RASSF6: variants seen among roughly 807,000 people sequenced by gnomAD.
The protein encoded by RASSF6 is Ras association domain family member 6.
Under a neutral mutation model 44.0 loss-of-function variants are expected in RASSF6, and 52 were observed. The ratio of observed to expected loss-of-function variants is 1.18; its 90% CI spans 0.95 to 1.49. The LOEUF (loss-of-function observed/expected upper bound fraction) is 1.49. Ranked by LOEUF, RASSF6 falls within the 40% of genes most tolerant of loss-of-function variation. The pLI is 0.00. For synonymous variants in RASSF6, 162 were observed against 124.6 expected (o/e 1.30, Z -2.00); for missense variants, 464 against 393.3 (o/e 1.18, Z -1.52).
chr4:73,616,221 ATATCTATC>A (rs4019340), intron 1 of RASSF6, among the ~76,000 whole-genome samples: 5,856 of 148,962 alleles, frequency 0.039, 122 homozygotes, highest in Middle Eastern at 0.076. Flanking sequence ...ACATATATCT[ATATCTATC>A]TATCTATCTA....
chr4:73,590,454 A>C (rs890920535), intron 4 of RASSF6, among the ~76,000 whole-genome samples: 3 of 152,232 alleles, frequency 2.0e-5, no homozygotes, highest in Non-Finnish European at 4.4e-5. Flanking sequence ...GGAAAAAGAA[A>C]ATAGTTTAAA....
chr4:73,591,876 AAAGATGAAT>A (rs1178688379), intron 4 of RASSF6, among the ~76,000 whole-genome samples: 2 of 152,206 alleles, frequency 1.3e-5, no homozygotes, highest in African/African-American at 4.8e-5. Context: ...CAAATAAAAC[AAAGATGAAT>A]AAAGCACATT....
chr4:73,578,690 C>T (rs1723408045), intron 8 of RASSF6, among the ~76,000 whole-genome samples: 1 of 150,490 alleles, frequency 6.6e-6, no homozygotes, highest in South Asian at 2.1e-4. Context: ...CTCACTGCAA[C>T]CTCCGCCTCC....
chr4:73,620,191 A>C, intron 1 of RASSF6, 97 bp downstream of exon 1: 2 of 722,430 alleles, frequency 2.8e-6, no homozygotes, highest in Non-Finnish European at 4.1e-6. Flanking sequence ...CACACACTTA[A>C]CTTTGTTGCC....
intron 2 of RASSF6, among the ~76,000 whole-genome samples, chr4:73,608,939 C>T (rs1466301788): frequency 1.3e-5 from 2 of 152,180 alleles, no homozygotes; most frequent in Non-Finnish European, 2.9e-5. Context: ...GTGGCTGGTT[C>T]CTTTGTTTCA....
chr4:73,593,675 A>T, intron 3 of RASSF6, 82 bp from the exon 4 acceptor site: 3 of 1,180,686 alleles, frequency 2.5e-6, no homozygotes, highest in African/African-American at 1.6e-5. Context: ...GTAGAAATTA[A>T]GTGCGTAAGA....
At chr4:73,599,145 T>A (rs1725120978) in intron 2 of RASSF6, among the ~76,000 whole-genome samples, 1 of 152,184 alleles carries the variant, frequency 6.6e-6, no homozygotes, top group African/African-American at 2.4e-5. Flanking sequence ...GCCCCAACTC[T>A]CCAAATCTGT....
intron 8 of RASSF6, among the ~76,000 whole-genome samples, chr4:73,580,034 C>G (rs1485229757): frequency 8.6e-4 from 111 of 129,456 alleles, no homozygotes; most frequent in South Asian, 6.1e-4. Flanking sequence ...CCCCCGACCC[C>G]ACAACAGTCC....
intron 4 of RASSF6, among the ~76,000 whole-genome samples, chr4:73,590,983 G>T (rs189489675): frequency 6.6e-6 from 1 of 152,178 alleles, no homozygotes; most frequent in Non-Finnish European, 1.5e-5. Context: ...AGTATATGGA[G>T]AGGCATATTA....
At chr4:73,607,674 AC>A (rs1725730585) in intron 2 of RASSF6, among the ~76,000 whole-genome samples, 1 of 152,088 alleles carries the variant, frequency 6.6e-6, no homozygotes, top group Non-Finnish European at 1.5e-5. Context: ...TATTCAAAAC[AC>A]CCTAGAACTC....
intron 3 of RASSF6, 72 bp downstream of exon 3, chr4:73,598,568 T>TG: frequency 3.9e-6 from 2 of 515,864 alleles, no homozygotes; most frequent in Non-Finnish European, 6.8e-6. Context: ...TCTTCCAGAA[T>TG]TGTGTGTGTG....
At chr4:73,591,084 G>A (rs1402201876) in intron 4 of RASSF6, among the ~76,000 whole-genome samples, 1 of 152,058 alleles carries the variant, frequency 6.6e-6, no homozygotes, top group African/African-American at 2.4e-5. Flanking sequence ...AAATATCATG[G>A]TTAATAATAA....
rs1337123830 is a variant in RASSF6, at chr4:73,572,041, C to A, written c.*4194G>T. On this transcript the variant is annotated 3_prime_UTR_variant, in exon 11 of 11. Transcript: ENST00000307439. ...CATACAGTTTCTGAGGATGAGGAAT[C>A]CAGAATGGTTTCCTTGGGTTTTCTG... is the stretch of plus-strand genomic sequence containing the variant. The A allele has an allele frequency of 6.6e-6, 1 of 152,140 alleles. No homozygotes were observed. The highest frequency in any genetic ancestry group is 2.4e-5 in the African/African-American group (1 of 41,406). The allele number at this position is 152,140 out of a possible 1,614,324, so 9.4% of individuals were successfully genotyped here. A position where few individuals can be genotyped will look rare whatever the true frequency, so the allele number is the denominator to read the frequency against.
chr4:73,601,145 G>T (rs1725255115), intron 2 of RASSF6, among the ~76,000 whole-genome samples: 1 of 152,132 alleles, frequency 6.6e-6, no homozygotes, highest in Non-Finnish European at 1.5e-5. Flanking sequence ...TTTACTTCAG[G>T]ATCATGTGCA....
chr4:73,585,133 A>T, intron 6 of RASSF6, 47 bp downstream of exon 6: 1 of 1,357,310 alleles, frequency 7.4e-7, no homozygotes, highest in Non-Finnish European at 1.0e-6. Context: ...TTAGTGAAAC[A>T]GGGAACCTTA....
intron 2 of RASSF6, among the ~76,000 whole-genome samples, chr4:73,601,055 C>A (rs897748124): frequency 6.6e-6 from 1 of 152,168 alleles, no homozygotes; most frequent in Non-Finnish European, 1.5e-5. Context: ...GCAAATGGAG[C>A]CTTACATAAT....
chr4:73,596,552 A>G (rs1173243612), intron 3 of RASSF6, among the ~76,000 whole-genome samples: 1 of 152,238 alleles, frequency 6.6e-6, no homozygotes, highest in Non-Finnish European at 1.5e-5. Context: ...AATACTGCCC[A>G]AAGCAATTTG....
At position 73,578,634 on chromosome 4, in the gene RASSF6, TTC is replaced by T. The variant is rs1315121056; in HGVS notation, c.722-1905_722-1904del. 5.2e-3 allele frequency among the ~76,000 whole-genome samples: 660 copies of T among 126,346 alleles called. 2 individuals are homozygous for T. The highest frequency in any genetic ancestry group is 6.2e-3 in the Non-Finnish European group (357 of 58,038). 82.9% of individuals were successfully genotyped at this position (126,346 alleles called of 152,430 possible). A position where few individuals can be genotyped will look rare whatever the true frequency, so the allele number is the denominator to read the frequency against. On this transcript the variant is annotated intron_variant, in intron 8 of 10. Coordinates refer to ENST00000307439, the MANE Select transcript of RASSF6 (RefSeq NM_177532.5). The stretch of plus-strand genomic sequence containing the variant: ...TACACACCTTTAAACAAATCATTTT[TTC>T]TCTTTTTTTTTTTTTTAGACGGAGT...
intron 4 of RASSF6, among the ~76,000 whole-genome samples, chr4:73,589,664 A>G (rs7658159): frequency 0.093 from 14,182 of 152,024 alleles, 804 homozygotes; most frequent in East Asian, 0.21. Flanking sequence ...CACCCCATAC[A>G]ACTGTGCACA....
Sources: gnomAD v4.1 joint callset for allele counts (sites outside exome capture counted in the v4.1 genomes callset) on GRCh38, gnomAD v4.1.1 for gene constraint, MANE v1.5 for transcripts, NCBI Gene and HGNC (gene_info 2026-07-23, HGNC 2026-07-21) for gene names.